Variants in SMYD3 observed in about 807,000 individuals in gnomAD.
The protein encoded by SMYD3 is histone-lysine N-methyltransferase SMYD3.
SMYD3 carries 36 observed loss-of-function variants against 57.7 expected under a neutral mutation model. The ratio of observed to expected loss-of-function variants is 0.62; its 90% CI spans 0.48 to 0.82. The LOEUF (loss-of-function observed/expected upper bound fraction) is 0.82. SMYD3 is among the 40% of genes least tolerant of loss of function. SMYD3 has a pLI of 0.00. For missense variants in SMYD3, 515 were observed against 538.8 expected (o/e 0.96, Z 0.44); for synonymous variants, 211 against 195.0 (o/e 1.08, Z -0.68).
chr1:246,281,068 C>T (rs533575651), intron 5 of SMYD3, among the ~76,000 whole-genome samples: 1 of 152,208 alleles, frequency 6.6e-6, no homozygotes, highest in South Asian at 2.1e-4. Flanking sequence ...CAAAGACTGC[C>T]GGGAAATAAA....
In SMYD3 at chr1:246,152,957, G is replaced by A. The variant is rs555983745; in HGVS notation, c.531+174244C>T. Among the ~76,000 whole-genome samples the A allele has an allele frequency of 9.9e-5, 15 of 152,274 alleles. No homozygotes were observed. The South Asian group carries it at 2.7e-3, about 27-fold the overall frequency. ...CAATTTTTATGTTTTATAACACTAG[G>A]CTGCTAAGCTTTGATGGAGGAAATC... is the stretch of plus-strand genomic sequence containing the variant. On this transcript the variant is annotated intron_variant, in intron 5 of 11. Transcript: ENST00000490107.
intron 10 of SMYD3, among the ~76,000 whole-genome samples, chr1:245,844,372 T>TACTGC (rs58823796): frequency 0.12 from 18,506 of 152,160 alleles, 1,459 homozygotes; most frequent in East Asian, 0.26. Flanking sequence ...GGATTAGCTT[T>TACTGC]ACTGCACTGC....
chr1:246,291,850 C>G (rs2064697644), intron 5 of SMYD3, among the ~76,000 whole-genome samples: 1 of 152,308 alleles, frequency 6.6e-6, no homozygotes, highest in East Asian at 1.9e-4. Context: ...GCCATTTCTA[C>G]CTCCCATGAC....
At chr1:246,230,215 T>A (rs946142859) in intron 5 of SMYD3, among the ~76,000 whole-genome samples, 1 of 152,224 alleles carries the variant, frequency 6.6e-6, no homozygotes, top group Non-Finnish European at 1.5e-5. Context: ...TCCACATGTT[T>A]ACAATTGCTC....
chr1:245,914,662 G>T (rs1315541646), intron 8 of SMYD3, among the ~76,000 whole-genome samples: 1 of 152,138 alleles, frequency 6.6e-6, no homozygotes, highest in Non-Finnish European at 1.5e-5. Context: ...TAGGAGGAAC[G>T]AATCTGCTCA....
intron 5 of SMYD3, chr1:246,052,990 A>T (rs970439408): frequency 6.6e-6 from 1 of 152,416 alleles, no homozygotes; most frequent in Non-Finnish European, 1.5e-5. Context: ...TAATCCCAGT[A>T]CTTTGTGAGG....
At chr1:245,871,953 C>T (rs2052217927) in intron 8 of SMYD3, among the ~76,000 whole-genome samples, 1 of 152,140 alleles carries the variant, frequency 6.6e-6, no homozygotes, top group Admixed American at 6.5e-5. Context: ...TGCTGTGACC[C>T]CACATCTCTG....
intron 5 of SMYD3, among the ~76,000 whole-genome samples, chr1:246,023,796 C>G (rs1217444977): frequency 8.8e-6 from 1 of 113,436 alleles, no homozygotes; most frequent in Non-Finnish European, 1.7e-5. Context: ...CTTCACAGGA[C>G]TATTACAAAA....
chr1:246,448,853 C>CT (rs2067590744), intron 1 of SMYD3, among the ~76,000 whole-genome samples: 1 of 151,998 alleles, frequency 6.6e-6, no homozygotes, highest in Non-Finnish European at 1.5e-5. Context: ...GGTTGCTATG[C>CT]TTTTAGTTGG....
At chr1:246,328,945 G>T (rs2065408726) in intron 4 of SMYD3, among the ~76,000 whole-genome samples, 2 of 151,812 alleles carry the variant, frequency 1.3e-5, no homozygotes, top group South Asian at 2.1e-4. Flanking sequence ...GCGGTGTTTG[G>T]TTTTTTGTCC....
intron 5 of SMYD3, among the ~76,000 whole-genome samples, chr1:246,216,876 G>A (rs111909390): frequency 4.2e-4 from 64 of 152,188 alleles, no homozygotes; most frequent in Non-Finnish European, 7.1e-4. Context: ...TGACGGAGAC[G>A]TGGGCACAAA....
intron 5 of SMYD3, chr1:245,956,118 T>C (rs1025178919): frequency 1.5e-5 from 14 of 954,864 alleles, no homozygotes; most frequent in Admixed American, 6.2e-5. Flanking sequence ...GGGTCTCATT[T>C]TGTTGCCCAG....
intron 5 of SMYD3, among the ~76,000 whole-genome samples, chr1:246,304,080 A>G (rs1265381340): frequency 3.9e-5 from 6 of 152,224 alleles, no homozygotes; most frequent in Non-Finnish European, 8.8e-5. Flanking sequence ...TATTTGTAAT[A>G]CATATTGGGT....
At chr1:246,398,198 T>G (rs1267121672) in intron 1 of SMYD3, among the ~76,000 whole-genome samples, 1 of 152,238 alleles carries the variant, frequency 6.6e-6, no homozygotes, top group Admixed American at 6.5e-5. Context: ...TTTCAGGCTC[T>G]TCCCATCATC....
intron 5 of SMYD3, among the ~76,000 whole-genome samples, chr1:246,080,217 C>G (rs569882738): frequency 7.6e-6 from 1 of 131,534 alleles, no homozygotes; most frequent in South Asian, 2.1e-4. Context: ...CTGGGTCACA[C>G]GGCAGGAGGC....
At chr1:246,011,458 A>G (rs546977272) in intron 5 of SMYD3, among the ~76,000 whole-genome samples, 1 of 152,350 alleles carries the variant, frequency 6.6e-6, no homozygotes, top group South Asian at 2.1e-4. Flanking sequence ...ATGGTCAGAA[A>G]GTGAACACTA....
chr1:246,328,019 C>G (rs1248691973), intron 4 of SMYD3, among the ~76,000 whole-genome samples: 1 of 152,110 alleles, frequency 6.6e-6, no homozygotes, highest in East Asian at 1.9e-4. Context: ...CATGGTGGAA[C>G]CCCATCTCTA....
chr1:245,926,965 AG>A (rs2056416103), intron 7 of SMYD3, among the ~76,000 whole-genome samples: 1 of 152,238 alleles, frequency 6.6e-6, no homozygotes, highest in Non-Finnish European at 1.5e-5. Flanking sequence ...TAGTTGTATA[AG>A]AAGTGGCTCC....
At chr1:246,504,243 T>C (rs1389692790) in intron 1 of SMYD3, among the ~76,000 whole-genome samples, 1 of 152,174 alleles carries the variant, frequency 6.6e-6, no homozygotes, top group Non-Finnish European at 1.5e-5. Context: ...GAAGTAGAGA[T>C]GTGCATCCCT....
Sources: allele counts gnomAD v4.1 joint callset (sites outside exome capture counted in the v4.1 genomes callset), GRCh38; gene constraint gnomAD v4.1.1; transcripts MANE v1.5; gene names NCBI Gene and HGNC (gene_info 2026-07-23, HGNC 2026-07-21).